Variants in KIAA1217 observed in about 807,000 individuals in gnomAD.
The protein encoded by KIAA1217 is sickle tail protein homolog.
KIAA1217 carries 88 observed loss-of-function variants against 163.9 expected under a neutral mutation model. The ratio of observed to expected loss-of-function variants is 0.54; its 90% CI spans 0.45 to 0.64. KIAA1217 has a LOEUF of 0.64. Among genes scored for constraint, KIAA1217 ranks in the 30% least tolerant of loss-of-function variants. The probability of loss-of-function intolerance (pLI) is 0.00; values close to 1 mark genes in which losing one functional copy is unlikely to be tolerated. For synonymous variants in KIAA1217, 903 were observed against 923.1 expected (o/e 0.98, Z 0.39); for missense variants, 2,372 against 2,475.0 (o/e 0.96, Z 0.88).
intron 2 of KIAA1217, among the ~76,000 whole-genome samples, chr10:24,020,868 C>A (rs1396734340): frequency 4.0e-5 from 6 of 151,782 alleles, no homozygotes; most frequent in South Asian, 2.1e-4. Flanking sequence ...AAAACAACAA[C>A]CTTGGGGGAA....
chr10:23,897,568 G>T (rs1382658531), intron 1 of KIAA1217, among the ~76,000 whole-genome samples: 2 of 152,030 alleles, frequency 1.3e-5, no homozygotes, highest in East Asian at 3.9e-4. Flanking sequence ...TATGGAGCCA[G>T]GGTACCTGGG....
At chr10:24,252,932 C>T (rs1005089061) in intron 2 of KIAA1217, among the ~76,000 whole-genome samples, 1 of 151,218 alleles carries the variant, frequency 6.6e-6, no homozygotes, top group African/African-American at 2.4e-5. Flanking sequence ...GCAGAAAGAT[C>T]GATTGAGCCC....
At chr10:24,421,736 G>A (rs571395624) in intron 3 of KIAA1217, among the ~76,000 whole-genome samples, 1 of 152,158 alleles carries the variant, frequency 6.6e-6, no homozygotes, top group African/African-American at 2.4e-5. Flanking sequence ...TAAGATAAGT[G>A]TATAGTTTTT....
chr10:23,821,109 G>A (rs1332862068), intron 1 of KIAA1217, among the ~76,000 whole-genome samples: 1 of 83,786 alleles, frequency 1.2e-5, no homozygotes, highest in Non-Finnish European at 3.0e-5. Context: ...GTGTGCGTGT[G>A]TGTGTGTGTG....
chr10:23,936,595 T>C (rs1843538195), intron 1 of KIAA1217, among the ~76,000 whole-genome samples: 1 of 151,854 alleles, frequency 6.6e-6, no homozygotes, highest in Non-Finnish European at 1.5e-5. Context: ...GAGGCTGAGA[T>C]TAGAGTGACG....
At position 24,501,396 on chromosome 10, in the gene KIAA1217, G is replaced by C; in HGVS notation, c.1852G>C (p.Gly618Arg). 1 of 1,610,538 alleles carries C rather than the reference G, an allele frequency of 6.2e-7. No individual in the cohort carries two copies. The highest frequency in any genetic ancestry group is 8.5e-7 in the Non-Finnish European group (1 of 1,177,220). Residue 618 changes from glycine to arginine, a missense_variant, in exon 9 of 21, where the codon GGT (glycine) becomes CGT (arginine). This residue lies in a region of KIAA1217 where 1,431 missense variants were observed against 1,470.3 expected (regional missense o/e 0.97). Coordinates refer to ENST00000376454, the MANE Select transcript of KIAA1217 (RefSeq NM_019590.5). ...TCTCATAGGAACGCCCCATGTGTCT[G>C]GTGGGAAGATGCTCAGTGCTCTGGA... The part of the protein sequence containing the change: ...TDSAGTPHVS[G>R]GKMLSALEST...
intron 1 of KIAA1217, among the ~76,000 whole-genome samples, chr10:24,211,403 A>G (rs1230100594): frequency 9.9e-6 from 1 of 101,306 alleles, no homozygotes; most frequent in Non-Finnish European, 1.9e-5. Flanking sequence ...AGAGGGTCTC[A>G]TTTGTCACCC....
At chr10:24,484,612 C>T (rs574409497) in intron 6 of KIAA1217, among the ~76,000 whole-genome samples, 10 of 151,910 alleles carry the variant, frequency 6.6e-5, no homozygotes, top group South Asian at 2.1e-4. Flanking sequence ...CAGGCTGGAA[C>T]GCAGTGGTGC....
intron 2 of KIAA1217, among the ~76,000 whole-genome samples, chr10:24,194,329 C>G (rs1293249100): frequency 7.8e-6 from 1 of 127,558 alleles, no homozygotes; most frequent in East Asian, 2.6e-4. Context: ...CTCTCCTCCC[C>G]TCCCCTACCC....
intron 1 of KIAA1217, among the ~76,000 whole-genome samples, chr10:23,886,712 A>C: frequency 6.6e-6 from 1 of 152,120 alleles, no homozygotes. Flanking sequence ...TGTTATTAGC[A>C]TAGCCTCTTT....
chr10:24,072,104 C>T (rs961463501), intron 2 of KIAA1217, among the ~76,000 whole-genome samples: 13 of 152,114 alleles, frequency 8.5e-5, no homozygotes, highest in African/African-American at 3.1e-4. Flanking sequence ...TAGCTTATTG[C>T]AGCCTTGTAC....
At chr10:24,527,912 C>T (rs2072452880) in intron 13 of KIAA1217, 24 bp from the exon 14 acceptor site, 1 of 1,596,806 alleles carries the variant, frequency 6.3e-7, no homozygotes, top group Non-Finnish European at 8.6e-7. Context: ...CACGTAACTT[C>T]CTTTACGTGC....
intron 3 of KIAA1217, among the ~76,000 whole-genome samples, chr10:24,392,762 G>T (rs1295710803): frequency 6.6e-6 from 1 of 152,158 alleles, no homozygotes; most frequent in East Asian, 1.9e-4. Context: ...TAGATGTTCT[G>T]CAATGGTTTG....
intron 2 of KIAA1217, among the ~76,000 whole-genome samples, chr10:24,123,967 G>A (rs1219670397): frequency 6.6e-6 from 1 of 152,118 alleles, no homozygotes; most frequent in Non-Finnish European, 1.5e-5. Context: ...GGTAATATAT[G>A]ATTTGCAAAT....
At chr10:23,810,954 A>AAT (rs1295600592) in intron 1 of KIAA1217, among the ~76,000 whole-genome samples, 1 of 117,786 alleles carries the variant, frequency 8.5e-6, no homozygotes, top group Non-Finnish European at 1.6e-5. Context: ...TATATTATAT[A>AAT]ATATATATAG....
At chr10:24,363,776 T>C (rs888396679) in intron 2 of KIAA1217, among the ~76,000 whole-genome samples, 4 of 151,910 alleles carry the variant, frequency 2.6e-5, no homozygotes, top group African/African-American at 9.7e-5. Flanking sequence ...CTCATTGTGT[T>C]GCCCAAGCTG....
chr10:24,411,678 T>C (rs1287792014), intron 3 of KIAA1217, among the ~76,000 whole-genome samples: 2 of 152,172 alleles, frequency 1.3e-5, no homozygotes, highest in Non-Finnish European at 2.9e-5. Context: ...CCTTTTCTAT[T>C]ATATTTGCAA....
At chr10:23,909,364 T>G (rs897727713) in intron 1 of KIAA1217, among the ~76,000 whole-genome samples, 5 of 151,110 alleles carry the variant, frequency 3.3e-5, no homozygotes, top group Non-Finnish European at 5.9e-5. Context: ...ATAAAAAAAA[T>G]TAAAAAATAA....
intron 2 of KIAA1217, among the ~76,000 whole-genome samples, chr10:24,253,968 A>C (rs1057123112): frequency 6.6e-6 from 1 of 151,932 alleles, no homozygotes; most frequent in Non-Finnish European, 1.5e-5. Flanking sequence ...CTTGATCACA[A>C]AAAAAAGGAT....
Sources: allele counts gnomAD v4.1 joint callset (sites outside exome capture counted in the v4.1 genomes callset), GRCh38; gene constraint gnomAD v4.1.1; regional missense constraint gnomAD v4.1.1; transcripts MANE v1.5; gene names NCBI Gene and HGNC (gene_info 2026-07-23, HGNC 2026-07-21).